GRIK4: variants seen among roughly 807,000 people sequenced by gnomAD.
GRIK4 encodes glutamate receptor ionotropic, kainate 4.
GRIK4 carries 40 observed loss-of-function variants against 104.9 expected under a neutral mutation model. That is an observed-to-expected ratio of 0.38 (90% CI 0.30 to 0.50). The LOEUF (loss-of-function observed/expected upper bound fraction) is 0.50. Among genes scored for constraint, GRIK4 ranks in the 20% least tolerant of loss-of-function variants. The pLI, the probability that GRIK4 is intolerant of heterozygous loss-of-function variation, is 0.93. For synonymous variants in GRIK4, 485 were observed against 524.9 expected (o/e 0.92, Z 1.04); for missense variants, 1,047 against 1,308.1 (o/e 0.80, Z 3.08).
chr11:120,917,384 C>T (rs1943133724), intron 13 of GRIK4, among the ~76,000 whole-genome samples: 1 of 151,682 alleles, frequency 6.6e-6, no homozygotes, highest in Non-Finnish European at 1.5e-5. Context: ...AGTCACTGTG[C>T]TGGGGTGTGG....
intron 11 of GRIK4, among the ~76,000 whole-genome samples, chr11:120,886,174 A>G (rs1303680525): frequency 3.3e-5 from 5 of 152,250 alleles, no homozygotes; most frequent in Non-Finnish European, 4.4e-5. Context: ...CAGAGCAGCA[A>G]AAAATTGGAA....
Position 120,986,765 on chromosome 11 carries a change from G to A in GRIK4, c.*505G>A, listed in dbSNP as rs1944762769. 1 of 150,580 alleles carries A rather than the reference G, an allele frequency of 6.6e-6. No homozygotes were observed. The highest frequency in any genetic ancestry group is 1.5e-5 in the Non-Finnish European group (1 of 67,702). The allele number at this position is 150,580 out of a possible 1,614,324, so 9.3% of individuals were successfully genotyped here. A position where few individuals can be genotyped will look rare whatever the true frequency, so the allele number is the denominator to read the frequency against. Reference sequence around the variant, plus strand: ...CTTTCCTCCTCTCCTTTTCTTCTTTGTCATCTTCTCAGTCCTGTTAATTTG... The same window carrying A: ...CTTTCCTCCTCTCCTTTTCTTCTTTATCATCTTCTCAGTCCTGTTAATTTG... On this transcript the variant is annotated 3_prime_UTR_variant, in exon 21 of 21. Transcript: ENST00000527524.
chr11:120,921,789 C>G (rs967789599), intron 13 of GRIK4, among the ~76,000 whole-genome samples: 1 of 152,172 alleles, frequency 6.6e-6, no homozygotes, highest in African/African-American at 2.4e-5. Context: ...AGGATTGACC[C>G]TCCAGTCTCC....
At chr11:120,931,250 C>G (rs1943475316) in intron 13 of GRIK4, among the ~76,000 whole-genome samples, 1 of 152,116 alleles carries the variant, frequency 6.6e-6, no homozygotes, top group Non-Finnish European at 1.5e-5. Context: ...ATGTCTTTGA[C>G]CTTGGCCTTA....
At chr11:120,638,405 G>A (rs1460148963) in intron 1 of GRIK4, among the ~76,000 whole-genome samples, 1 of 152,132 alleles carries the variant, frequency 6.6e-6, no homozygotes, top group African/African-American at 2.4e-5. Context: ...AGTTGGTGGT[G>A]GAGCTAGAAT....
At chr11:120,930,626 C>T (rs902904301) in intron 13 of GRIK4, among the ~76,000 whole-genome samples, 76 of 152,098 alleles carry the variant, frequency 5.0e-4, no homozygotes, top group African/African-American at 1.5e-3. Flanking sequence ...CTCTCTTTGG[C>T]GACAGACAAG....
intron 1 of GRIK4, among the ~76,000 whole-genome samples, chr11:120,515,864 C>T (rs1027680270): frequency 2.0e-5 from 3 of 152,148 alleles, no homozygotes; most frequent in Non-Finnish European, 4.4e-5. Context: ...ATCAATGTAA[C>T]ATTGTATTGA....
At chr11:120,626,471 G>T (rs190780811) in intron 1 of GRIK4, among the ~76,000 whole-genome samples, 11 of 152,298 alleles carry the variant, frequency 7.2e-5, no homozygotes, top group Admixed American at 3.3e-4. Flanking sequence ...TTATGTGTGT[G>T]GGGAGGTGAA....
intron 3 of GRIK4, among the ~76,000 whole-genome samples, chr11:120,678,040 G>A (rs140300828): frequency 4.3e-4 from 65 of 152,318 alleles, no homozygotes; most frequent in African/African-American, 1.5e-3. Flanking sequence ...ACTCCCTGGC[G>A]CCAACCCCAT....
intron 1 of GRIK4, among the ~76,000 whole-genome samples, chr11:120,579,234 C>CG (rs951698006): frequency 2.0e-4 from 31 of 151,938 alleles, no homozygotes; most frequent in Admixed American, 1.8e-3. Context: ...AACCCCCCCC[C>CG]CTTTTTTTGG....
At chr11:120,531,425 A>G (rs1229223000) in intron 1 of GRIK4, among the ~76,000 whole-genome samples, 2 of 152,186 alleles carry the variant, frequency 1.3e-5, no homozygotes, top group Admixed American at 6.5e-5. Context: ...GGAGTTTCCA[A>G]TGCTCTGTAC....
At chr11:120,894,185 T>C (rs1942502937) in intron 11 of GRIK4, 1 of 152,230 alleles carries the variant, frequency 6.6e-6, no homozygotes, top group African/African-American at 2.4e-5. Context: ...TAAAAACTAA[T>C]AAGGGTTGAC....
At chr11:120,833,272 T>C (rs985449947) in intron 7 of GRIK4, among the ~76,000 whole-genome samples, 2 of 122,154 alleles carry the variant, frequency 1.6e-5, no homozygotes, top group Non-Finnish European at 3.4e-5. Flanking sequence ...TCTTTCTTTC[T>C]CTCTCTCTCT....
intron 1 of GRIK4, among the ~76,000 whole-genome samples, chr11:120,645,459 A>G (rs1250415220): frequency 6.6e-6 from 1 of 152,224 alleles, no homozygotes. Context: ...GATGGCCTCC[A>G]TGCCACCACT....
intron 3 of GRIK4, among the ~76,000 whole-genome samples, chr11:120,783,909 G>A (rs149648808): frequency 2.2e-4 from 34 of 152,284 alleles, no homozygotes; most frequent in Non-Finnish European, 4.3e-4. Context: ...TTTGTTTTGC[G>A]AAGTGCTTTA....
intron 3 of GRIK4, among the ~76,000 whole-genome samples, chr11:120,668,097 AGATG>A (rs1327311807): frequency 6.8e-5 from 9 of 132,632 alleles, no homozygotes; most frequent in Admixed American, 1.6e-4. Flanking sequence ...ATGGATAGAT[AGATG>A]GATAGATAGA....
At chr11:120,622,347 G>A (rs1277476883) in intron 1 of GRIK4, among the ~76,000 whole-genome samples, 2 of 152,170 alleles carry the variant, frequency 1.3e-5, no homozygotes, top group Non-Finnish European at 2.9e-5. Context: ...GAGGGTAAGT[G>A]ACTTGCCCCA....
chr11:120,697,822 C>T (rs1482150980), intron 3 of GRIK4, among the ~76,000 whole-genome samples: 1 of 152,136 alleles, frequency 6.6e-6, no homozygotes, highest in Non-Finnish European at 1.5e-5. Flanking sequence ...AGGGCTGGTC[C>T]TTTCTGGGGA....
At chr11:120,853,071 G>T (rs938834131) in intron 8 of GRIK4, among the ~76,000 whole-genome samples, 1 of 152,154 alleles carries the variant, frequency 6.6e-6, no homozygotes, top group African/African-American at 2.4e-5. Context: ...CTTTCAAATG[G>T]CATCTAGTCC....
Sources: gnomAD v4.1 joint callset for allele counts (sites outside exome capture counted in the v4.1 genomes callset) on GRCh38, gnomAD v4.1.1 for gene constraint, MANE v1.5 for transcripts, NCBI Gene and HGNC (gene_info 2026-07-23, HGNC 2026-07-21) for gene names.